Variants in MYO18B observed in about 807,000 individuals in gnomAD.
MYO18B encodes the protein myosin XVIIIB.
In MYO18B, 204 loss-of-function variants were observed where a neutral mutation model predicts 273.0. That is an observed-to-expected ratio of 0.75 (90% CI 0.67 to 0.84). The LOEUF (loss-of-function observed/expected upper bound fraction) is 0.84. Ranked by LOEUF, MYO18B falls within the 40% of genes least tolerant of loss-of-function variation. The pLI, the probability that MYO18B is intolerant of heterozygous loss-of-function variation, is 0.00. For synonymous variants in MYO18B, 1,330 were observed against 1,305.7 expected (o/e 1.02, Z -0.40); for missense variants, 3,212 against 3,287.6 (o/e 0.98, Z 0.56).
chr22:25,855,527 A>G (rs936912586), intron 21 of MYO18B, among the ~76,000 whole-genome samples: 7 of 152,188 alleles, frequency 4.6e-5, no homozygotes, highest in Admixed American at 2.6e-4. Flanking sequence ...TGATCCGCCC[A>G]CCTCGGCCTC....
chr22:25,955,383 A>G lies in MYO18B; in HGVS notation c.6156+19A>G. On this transcript the variant is annotated intron_variant, in intron 39 of 43. Coordinates refer to ENST00000335473, the MANE Select transcript of MYO18B (RefSeq NM_032608.7). ...GGAGCTGGTGAGTCCTGTCCCCATC[A>G]TGGGCTCTTAGCGACTGAGGGTTTG... The G allele has an allele frequency of 6.3e-7, 1 of 1,596,178 alleles. No homozygotes were observed.
chr22:25,966,613 C>CT (rs916605830), intron 39 of MYO18B, among the ~76,000 whole-genome samples: 4 of 152,160 alleles, frequency 2.6e-5, no homozygotes, highest in African/African-American at 7.2e-5. Flanking sequence ...CTTATAAACT[C>CT]TGTGTTCACA....
At chr22:25,845,049 C>G (rs1265322040) in intron 18 of MYO18B, among the ~76,000 whole-genome samples, 3 of 152,216 alleles carry the variant, frequency 2.0e-5, no homozygotes, top group Non-Finnish European at 4.4e-5. Flanking sequence ...AGCTACATGA[C>G]CTGGACCTCA....
At chr22:25,798,196 C>G (rs1296826557) in intron 12 of MYO18B, 99 bp downstream of exon 12, 1 of 1,376,186 alleles carries the variant, frequency 7.3e-7, no homozygotes, top group Non-Finnish European at 9.6e-7. Context: ...CAGGGTCAAT[C>G]TGTCACCTTC....
intron 39 of MYO18B, 64 bp from the exon 40 acceptor site, chr22:25,992,299 G>T: frequency 2.5e-6 from 4 of 1,594,984 alleles, no homozygotes; most frequent in Non-Finnish European, 3.4e-6. Flanking sequence ...CTCTTCCCCA[G>T]TGCATGCATG....
intron 10 of MYO18B, 134 bp downstream of exon 10, chr22:25,781,968 T>G: frequency 1.7e-6 from 1 of 584,360 alleles, no homozygotes; most frequent in Non-Finnish European, 2.7e-6. Context: ...TGGCGTCCGA[T>G]TCCAGCTGTC....
chr22:25,967,338 G>T (rs1446555325), intron 39 of MYO18B, among the ~76,000 whole-genome samples: 2 of 152,194 alleles, frequency 1.3e-5, no homozygotes, highest in Admixed American at 1.3e-4. Flanking sequence ...GGCTTAGGAA[G>T]GTTAGTCTTC....
chr22:26,019,359 C>T (rs551302262), intron 42 of MYO18B, among the ~76,000 whole-genome samples: 77 of 152,360 alleles, frequency 5.1e-4, no homozygotes, highest in African/African-American at 1.8e-3. Flanking sequence ...CCACTTATTA[C>T]ATGACAAATT....
intron 21 of MYO18B, among the ~76,000 whole-genome samples, chr22:25,860,680 A>G (rs1363403067): frequency 6.6e-6 from 1 of 152,118 alleles, no homozygotes; most frequent in Non-Finnish European, 1.5e-5. Flanking sequence ...TTTTAGTTTG[A>G]GAACATATGT....
chr22:25,990,717 A>AAAAC (rs2093259563), intron 39 of MYO18B, among the ~76,000 whole-genome samples: 1 of 41,170 alleles, frequency 2.4e-5, no homozygotes, highest in Non-Finnish European at 5.5e-5. Context: ...AAAAAAAAAA[A>AAAAC]AAAGAAAAAG....
At chr22:25,904,524 T>C (rs2092001606) in intron 31 of MYO18B, among the ~76,000 whole-genome samples, 1 of 152,188 alleles carries the variant, frequency 6.6e-6, no homozygotes, top group South Asian at 2.1e-4. Flanking sequence ...GAATGTCTGC[T>C]ATGTGCTAGG....
At chr22:25,828,719 G>A in intron 14 of MYO18B, 57 bp from the exon 15 acceptor site, 1 of 1,526,780 alleles carries the variant, frequency 6.5e-7, no homozygotes, top group Non-Finnish European at 8.9e-7. Flanking sequence ...GCTTGGATCA[G>A]TGTGCTCCTA....
intron 9 of MYO18B, 26 bp from the exon 10 acceptor site, chr22:25,781,708 T>A (rs572817595): frequency 2.0e-6 from 3 of 1,479,190 alleles, no homozygotes; most frequent in Non-Finnish European, 9.0e-7. Context: ...AAGCACTGAC[T>A]GGGTGCCCCT....
rs531530526 is a variant in MYO18B, at chr22:25,891,485, T to C, written c.4543+73T>C. 6.7e-5 allele frequency: 69 copies of C among 1,036,332 alleles called. 1 individual carries two copies. Among genetic ancestry groups the C allele is most frequent in the South Asian group, 5.2e-4 (36 of 69,902 alleles). 64.2% of individuals were successfully genotyped at this position (1,036,332 alleles called of 1,614,324 possible). On this transcript the variant is annotated intron_variant, in intron 27 of 43. Transcript: ENST00000335473. ...TCTTTCCCATTTATTCAGTCACTCA[T>C]AGAGCACTTTTTAGGTGCTAGATAT...
intron 21 of MYO18B, among the ~76,000 whole-genome samples, chr22:25,859,706 T>G (rs1319337980): frequency 6.6e-6 from 1 of 152,188 alleles, no homozygotes; most frequent in African/African-American, 2.4e-5. Context: ...CCCATTTTAA[T>G]TAGGCTGTTT....
At chr22:25,787,098 C>T (rs538034562) in intron 11 of MYO18B, among the ~76,000 whole-genome samples, 3 of 152,182 alleles carry the variant, frequency 2.0e-5, no homozygotes, top group African/African-American at 7.2e-5. Context: ...GCCTGTAGTT[C>T]CAGCTGCTTG....
At chr22:25,760,381 C>T (rs1318255624) in intron 1 of MYO18B, among the ~76,000 whole-genome samples, 3 of 134,004 alleles carry the variant, frequency 2.2e-5, no homozygotes, top group Non-Finnish European at 4.6e-5. Context: ...TACTGCATTC[C>T]AGCCTGGGCA....
intron 9 of MYO18B, among the ~76,000 whole-genome samples, 174 bp from the exon 10 acceptor site, chr22:25,781,560 A>C (rs1183364427): frequency 6.7e-6 from 1 of 149,938 alleles, no homozygotes; most frequent in African/African-American, 2.5e-5. Flanking sequence ...CAGTGAGCCG[A>C]GATCACGCCA....
intron 40 of MYO18B, among the ~76,000 whole-genome samples, chr22:25,998,330 G>A (rs1272442318): frequency 6.6e-6 from 1 of 152,200 alleles, no homozygotes; most frequent in Non-Finnish European, 1.5e-5. Flanking sequence ...TCATGGCCCA[G>A]GGGCTGCGGC....
Sources: gnomAD v4.1 joint callset for allele counts (sites outside exome capture counted in the v4.1 genomes callset) on GRCh38, gnomAD v4.1.1 for gene constraint, MANE v1.5 for transcripts, NCBI Gene and HGNC (gene_info 2026-07-23, HGNC 2026-07-21) for gene names.